Variants in TTC6 observed in about 807,000 individuals in gnomAD.
TTC6 encodes the protein tetratricopeptide repeat domain 6.
TTC6 carries 172 observed loss-of-function variants against 210.4 expected under a neutral mutation model. The observed-to-expected ratio is 0.82, with a 90% CI of 0.72 to 0.93. TTC6 has a LOEUF of 0.93. Among genes scored for constraint, TTC6 ranks in the 40% least tolerant of loss-of-function variants. The pLI is 0.00. For missense variants in TTC6, 2,414 were observed against 2,318.1 expected (o/e 1.04, Z -0.85); for synonymous variants, 804 against 819.6 (o/e 0.98, Z 0.32).
rs756849985 is a variant in TTC6 at position 37,812,340 on chromosome 14, G to T, written c.4596G>T (p.Leu1532=). The T allele has an allele frequency of 3.7e-6, 6 of 1,613,094 alleles. No individual in the cohort carries two copies. In the Admixed American group the frequency reaches 1.0e-4, roughly 27 times the overall value. The change falls in exon 25 of 31, where the codon CTG becomes CTT. Residue 1532 remains leucine (L), a synonymous_variant. Transcript: ENST00000553443. ...CATTAACAGATTATGGAATTGTGCT[G>T]CTTCTTGATGCTACAGAAACTGTAA... is the stretch of plus-strand genomic sequence containing the variant.
chr14:37,830,326 G>T (rs1488669539), intron 29 of TTC6, among the ~76,000 whole-genome samples: 1 of 151,866 alleles, frequency 6.6e-6, no homozygotes, highest in African/African-American at 2.4e-5. Context: ...GTTGACCACT[G>T]CAGGTTAAAT....
chr14:37,751,532 C>A (rs1410431517), intron 13 of TTC6, among the ~76,000 whole-genome samples: 1 of 152,018 alleles, frequency 6.6e-6, no homozygotes, highest in African/African-American at 2.4e-5. Flanking sequence ...GTTAAAGAAG[C>A]CTTTGAAAAT....
At chr14:37,600,061 C>T (rs888112898) in intron 1 of TTC6, among the ~76,000 whole-genome samples, 3 of 152,182 alleles carry the variant, frequency 2.0e-5, no homozygotes, top group Admixed American at 2.0e-4. Flanking sequence ...TTTAAAACCC[C>T]TAGGGCTAGG....
chr14:37,692,847 A>G (rs1326604366), intron 3 of TTC6, among the ~76,000 whole-genome samples: 2 of 148,010 alleles, frequency 1.4e-5, no homozygotes, highest in South Asian at 2.1e-4. Context: ...CAACAGAGCA[A>G]GACTCCATCT....
chr14:37,774,471 G>T (rs1434509681), intron 14 of TTC6, among the ~76,000 whole-genome samples: 1 of 151,646 alleles, frequency 6.6e-6, no homozygotes, highest in African/African-American at 2.4e-5. Flanking sequence ...TAACATAAAG[G>T]TTTCTGCGTC....
At position 37,820,143 on chromosome 14, in the gene TTC6, A is replaced by T. The variant is rs79230471; in HGVS notation, c.4763+2492A>T. ...CTGTAGGACACTGTGACAGACATATATTCAGAGATGAAATTACTGTTTCTA... is the reference window on the plus strand; with the variant it reads ...CTGTAGGACACTGTGACAGACATATTTTCAGAGATGAAATTACTGTTTCTA... On this transcript the variant is annotated intron_variant, in intron 26 of 30. Coordinates refer to ENST00000553443, the Ensembl canonical transcript of TTC6. Among the ~76,000 whole-genome samples, 234 of 152,344 alleles carry T rather than the reference A, an allele frequency of 1.5e-3. 1 individual carries two copies. Among genetic ancestry groups the T allele is most frequent in the African/African-American group, 5.4e-3 (225 of 41,592 alleles).
At chr14:37,756,551 C>A (rs1484140006) in intron 14 of TTC6, among the ~76,000 whole-genome samples, 1 of 152,140 alleles carries the variant, frequency 6.6e-6, no homozygotes, top group Non-Finnish European at 1.5e-5. Context: ...GAGTTTCTAG[C>A]ATGAAAGGGT....
At chr14:37,599,483 T>C (rs902621144) in intron 1 of TTC6, among the ~76,000 whole-genome samples, 3 of 152,210 alleles carry the variant, frequency 2.0e-5, no homozygotes, top group African/African-American at 4.8e-5. Flanking sequence ...CTTTCACTTA[T>C]TTTATTGAAG....
At chr14:37,837,271 T>C in intron 29 of TTC6, 1 of 377,948 alleles carries the variant, frequency 2.6e-6, no homozygotes, top group South Asian at 2.0e-5. Context: ...AATTGTGTCT[T>C]CTTTATTGAT....
At chr14:37,692,700 A>C (rs2095806169) in intron 3 of TTC6, among the ~76,000 whole-genome samples, 2 of 151,714 alleles carry the variant, frequency 1.3e-5, no homozygotes, top group African/African-American at 4.8e-5. Flanking sequence ...CTCCACTAAA[A>C]ATACAAAAAT....
chr14:37,770,990 G>A (rs201162214), intron 14 of TTC6, among the ~76,000 whole-genome samples: 16,007 of 118,862 alleles, frequency 0.13, 1,099 homozygotes, highest in East Asian at 0.28. Flanking sequence ...CTCTTTTAGG[G>A]CAGGCCTGGT....
intron 1 of TTC6, among the ~76,000 whole-genome samples, chr14:37,672,202 G>C (rs899126228): frequency 2.6e-5 from 4 of 152,048 alleles, no homozygotes; most frequent in African/African-American, 9.7e-5. Context: ...CATGAGATAA[G>C]AACTGCATTT....
chr14:37,784,855 G>A (rs2096063951), intron 14 of TTC6, among the ~76,000 whole-genome samples: 1 of 152,214 alleles, frequency 6.6e-6, no homozygotes, highest in East Asian at 1.9e-4. Flanking sequence ...TGTCTGTAAA[G>A]GATTTTATTT....
chr14:37,766,204 T>A (rs1221552517), intron 14 of TTC6, among the ~76,000 whole-genome samples: 3 of 152,192 alleles, frequency 2.0e-5, no homozygotes, highest in Non-Finnish European at 4.4e-5. Context: ...CATATGTTGG[T>A]TGTTTCTTTT....
At chr14:37,744,948 G>A (rs905342396) in intron 10 of TTC6, among the ~76,000 whole-genome samples, 1 of 152,048 alleles carries the variant, frequency 6.6e-6, no homozygotes, top group African/African-American at 2.4e-5. Context: ...ATTCTAGATA[G>A]ATTTTAGAAA....
At position 37,753,764 on chromosome 14, in the gene TTC6, G is replaced by A. The variant is rs189269480; in HGVS notation, c.3266+529G>A. The stretch of plus-strand genomic sequence containing the variant: ...TTCAATTTTTTTTTTTTTTTTTGTG[G>A]AAATGGGATCTCGCTTTGTTGCCTA... On this transcript the variant is annotated intron_variant, in intron 14 of 30. Transcript: ENST00000553443. 7.6e-3 allele frequency among the ~76,000 whole-genome samples: 1,121 copies of A among 148,346 alleles called. 6 individuals carry two copies. Among genetic ancestry groups the A allele is most frequent in the Non-Finnish European group, 0.012 (795 of 67,114 alleles).
chr14:37,792,272 C>G, exon 17 of TTC6: 1 of 1,506,942 alleles, frequency 6.6e-7, no homozygotes, highest in Non-Finnish European at 8.8e-7. Context: ...AGAACTATTA[C>G]TTTGGCTTAT....
At chr14:37,617,558 G>T (rs2095644746), upstream of TTC6, among the ~76,000 whole-genome samples, 1 of 151,830 alleles carries the variant, frequency 6.6e-6, no homozygotes, top group Non-Finnish European at 1.5e-5. Context: ...AGAAAGTGCA[G>T]AAAAATAGAA....
chr14:37,809,959 C>T (rs2096126437), intron 24 of TTC6, among the ~76,000 whole-genome samples: 2 of 152,170 alleles, frequency 1.3e-5, no homozygotes, highest in Non-Finnish European at 2.9e-5. Context: ...TTTTAAAAGG[C>T]TAGGTCACAT....
Sources: gnomAD v4.1 joint callset for allele counts (sites outside exome capture counted in the v4.1 genomes callset) on GRCh38, gnomAD v4.1.1 for gene constraint, MANE v1.5 for transcripts, NCBI Gene and HGNC (gene_info 2026-07-23, HGNC 2026-07-21) for gene names.